Variants in ZNF770 observed in about 807,000 individuals in gnomAD.
ZNF770 encodes zinc finger protein 770.
In ZNF770, 13 loss-of-function variants were observed where a neutral mutation model predicts 44.8. The observed-to-expected ratio is 0.29, with a 90% confidence interval of 0.19 to 0.46. ZNF770 has a LOEUF of 0.46. ZNF770 is among the 20% of genes least tolerant of loss of function. The pLI is 1.00. For synonymous variants in ZNF770, 304 were observed against 271.8 expected (o/e 1.12, Z -1.17); for missense variants, 681 against 797.9 (o/e 0.85, Z 1.77).
At chr15:34,987,364 CA>C (rs2050441742) in intron 2 of ZNF770, among the ~76,000 whole-genome samples, 192 bp downstream of exon 2, 1 of 152,230 alleles carries the variant, frequency 6.6e-6, no homozygotes, top group Non-Finnish European at 1.5e-5. Flanking sequence ...ATCCTCACCT[CA>C]CGCACTCATG....
chr15:34,978,541 C>T lies in ZNF770; in HGVS notation c.*2818G>A, dbSNP rs867964628. ...ATGATCATACTACAGCCTGGAATCA[C>T]TCAAACAAAAAATTCTTCTAGTTCT... On this transcript the variant is annotated 3_prime_UTR_variant, in exon 3 of 3. Coordinates refer to ENST00000356321, the MANE Select transcript of ZNF770 (RefSeq NM_014106.4). The T allele has an allele frequency of 3.3e-5, 5 of 152,104 alleles. No individual in the cohort carries two copies. Among genetic ancestry groups the T allele is most frequent in the African/African-American group, 4.8e-5 (2 of 41,412 alleles). 9.4% of individuals were successfully genotyped at this position (152,104 alleles called of 1,614,324 possible).
In ZNF770 at chr15:34,983,546, G is replaced by A. The variant is rs918177777; in HGVS notation, c.-56-56C>T. On this transcript the variant is annotated intron_variant, in intron 2 of 2. Transcript: ENST00000356321. ...TTAAAATTATTTATTCATATGAAAAGTAACTTAAGTTGTTCTTTGGCTGAA... is the reference window on the plus strand; with the variant it reads ...TTAAAATTATTTATTCATATGAAAAATAACTTAAGTTGTTCTTTGGCTGAA... 14 of 985,658 alleles carry A rather than the reference G, an allele frequency of 1.4e-5. No homozygotes were observed. In the South Asian group the frequency reaches 5.1e-4, roughly 36 times the overall value. The allele number at this position is 985,658 out of a possible 1,614,324, so 61.1% of individuals were successfully genotyped here.
intron 2 of ZNF770, among the ~76,000 whole-genome samples, chr15:34,984,835 A>G (rs559122605): frequency 1.3e-5 from 2 of 151,944 alleles, no homozygotes; most frequent in African/African-American, 4.8e-5. Context: ...GCGTTAATAT[A>G]AAGATTTAAA....
chr15:34,983,540 T>C (rs991111966), intron 2 of ZNF770, 50 bp from the exon 3 acceptor site: 18 of 1,047,090 alleles, frequency 1.7e-5, no homozygotes, highest in Non-Finnish European at 2.3e-5. Flanking sequence ...TTTATTCATA[T>C]GAAAAGTAAC....
intron 2 of ZNF770, among the ~76,000 whole-genome samples, chr15:34,986,166 G>C (rs536349161): frequency 6.6e-6 from 1 of 152,048 alleles, no homozygotes; most frequent in Non-Finnish European, 1.5e-5. Context: ...ACTAAAGAAA[G>C]CAAGTGTCTG....
chr15:34,984,791 A>G (rs1344312387), intron 2 of ZNF770, among the ~76,000 whole-genome samples: 3 of 152,092 alleles, frequency 2.0e-5, no homozygotes, highest in African/African-American at 7.2e-5. Context: ...TTTGCCCATC[A>G]GGCAATATAG....
Position 34,982,088 on chromosome 15 carries a change from T to C in ZNF770, c.1347A>G (p.Glu449=). The stretch of plus-strand genomic sequence containing the variant: ...GAAGTACCTCACAGTTATTAAAGAA[T>C]TCCTCACCTGATGAACCACAGATTG... ...DLSICGSSGE[E]FFNNCEVLQC... Residue 449 remains glutamate, a synonymous_variant, in exon 3 of 3, where the codon GAA becomes GAG. Transcript: ENST00000356321. 6.2e-7 allele frequency: 1 copy of C among 1,613,896 alleles called. No individual in the cohort carries two copies. The highest frequency in any genetic ancestry group is 8.5e-7 in the Non-Finnish European group (1 of 1,180,006).
rs2050400882 is a variant in ZNF770, at chr15:34,981,442, C to T, written c.1993G>A (p.Ala665Thr). ...CSVCGKTFRQ[A>T]PHWKRHQLTH... is the part of the protein sequence containing the mutation. ...AGCTGATGTCTCTTCCAGTGAGGAG[C>T]CTGTCTGAATGTTTTGCCACAAACT... Residue 665 changes from alanine to threonine, a missense_variant, in exon 3 of 3, where the codon GCT becomes ACT. Physicochemically the swap from Ala to Thr is moderately conservative, Grantham distance 58. Around this residue, in one of 5 missense-constraint regions of ZNF770, gnomAD observed 10 missense variants for 33.9 expected, o/e 0.30. Transcript: ENST00000356321. 6.2e-7 allele frequency: 1 copy of T among 1,614,038 alleles called. No homozygotes were observed. The highest frequency in any genetic ancestry group is 8.5e-7 in the Non-Finnish European group (1 of 1,180,046).
chr15:34,986,661 T>C (rs918636881), intron 2 of ZNF770, among the ~76,000 whole-genome samples: 12 of 152,198 alleles, frequency 7.9e-5, no homozygotes, highest in African/African-American at 2.9e-4. Context: ...TGAGGGTCAG[T>C]TGATGCAGTG....
Position 34,988,124 on chromosome 15 carries a change from T to TCAA in ZNF770, c.-183_-182insTTG, listed in dbSNP as rs2050447313. The TCAA allele has an allele frequency of 1.3e-5, 2 of 152,194 alleles. No homozygotes were observed. Among genetic ancestry groups the TCAA allele is most frequent in the East Asian group, 1.9e-4 (1 of 5,194 alleles). 9.4% of individuals were successfully genotyped at this position (152,194 alleles called of 1,614,324 possible). ...CTTGGGTCCCCAGGCACCTTGGCGG[T>TCAA]ATTGAGGCAGGTCCGACCCTCCCTG... On this transcript the variant is annotated 5_prime_UTR_variant, in exon 1 of 3. Coordinates refer to ENST00000356321, the MANE Select transcript of ZNF770 (RefSeq NM_014106.4).
chr15:34,981,237 C>G lies in ZNF770; in HGVS notation c.*122G>C. On this transcript the variant is annotated 3_prime_UTR_variant, in exon 3 of 3. Coordinates refer to ENST00000356321, the MANE Select transcript of ZNF770 (RefSeq NM_014106.4). ...TATTCTACCTCCTTACTATGCAGGA[C>G]AAGCAAATGCCTGTGAAACCATTCA... is the stretch of plus-strand genomic sequence containing the variant. The G allele has an allele frequency of 5.0e-6, 5 of 1,006,888 alleles. No individual in the cohort carries two copies. The highest frequency in any genetic ancestry group is 7.0e-6 in the Non-Finnish European group (5 of 710,066). The allele number at this position is 1,006,888 out of a possible 1,614,324, so 62.4% of individuals were successfully genotyped here.
rs752797064 is a variant in ZNF770, at chr15:34,981,502, G to A, written c.1933C>T (p.Leu645=). The A allele has an allele frequency of 1.2e-6, 2 of 1,614,204 alleles. No individual in the cohort carries two copies. The highest frequency in any genetic ancestry group is 1.7e-6 in the Non-Finnish European group (2 of 1,180,028). ...RSPSKLERHY[L]IHAGQKPFEC... is the part of the protein sequence containing the mutation. ...AATGGTTTCTGCCCTGCATGAATTA[G>A]GTAGTGTCTTTCCAGTTTAGATGGA... Residue 645 remains leucine (L), a synonymous_variant, in exon 3 of 3, where the codon CTA becomes TTA. Transcript: ENST00000356321.
Position 34,980,759 on chromosome 15 carries a change from G to A in ZNF770, c.*600C>T, listed in dbSNP as rs1476943925. The A allele has an allele frequency of 6.6e-6, 1 of 151,476 alleles. No homozygotes were observed. Among genetic ancestry groups the A allele is most frequent in the Non-Finnish European group, 1.5e-5 (1 of 68,078 alleles). 9.4% of individuals were successfully genotyped at this position (151,476 alleles called of 1,614,324 possible). A position where few individuals can be genotyped will look rare whatever the true frequency, so the allele number is the denominator to read the frequency against. ...GCCACTGCACTCTAGCCTGGCGAAA[G>A]AGTGAGACTCCATCTCAAAAAAAAA... is the stretch of plus-strand genomic sequence containing the variant. On this transcript the variant is annotated 3_prime_UTR_variant, in exon 3 of 3. Coordinates refer to ENST00000356321, the MANE Select transcript of ZNF770 (RefSeq NM_014106.4).
chr15:34,980,348 A>C lies in ZNF770; in HGVS notation c.*1011T>G, dbSNP rs1254451181. 6.6e-6 allele frequency: 1 copy of C among 152,246 alleles called. No individual in the cohort carries two copies. The highest frequency in any genetic ancestry group is 2.4e-5 in the African/African-American group (1 of 41,464). 9.4% of individuals were successfully genotyped at this position (152,246 alleles called of 1,614,324 possible). ...CACTTAGAAAATATTCCTGGTAAGTAAACATGGTAAATATAGGTACATCCT... is the reference window on the plus strand; with the variant it reads ...CACTTAGAAAATATTCCTGGTAAGTCAACATGGTAAATATAGGTACATCCT... On this transcript the variant is annotated 3_prime_UTR_variant, in exon 3 of 3. Transcript: ENST00000356321.
chr15:34,978,584 G>A lies in ZNF770; in HGVS notation c.*2775C>T, dbSNP rs1342625486. The stretch of plus-strand genomic sequence containing the variant: ...CTAGTTCTCTTTAAAGATATTTATC[G>A]TTTATTTTTTCATGAAACCAAAGTA... On this transcript the variant is annotated 3_prime_UTR_variant, in exon 3 of 3. Coordinates refer to ENST00000356321, the MANE Select transcript of ZNF770 (RefSeq NM_014106.4). 2 of 151,998 alleles carry A rather than the reference G, an allele frequency of 1.3e-5. No homozygotes were observed. Among genetic ancestry groups the A allele is most frequent in the African/African-American group, 2.4e-5 (1 of 41,366 alleles). The allele number at this position is 151,998 out of a possible 1,614,324, so 9.4% of individuals were successfully genotyped here. A position where few individuals can be genotyped will look rare whatever the true frequency, so the allele number is the denominator to read the frequency against.
In ZNF770 at chr15:34,981,976, T is replaced by C. The variant is rs763424159; in HGVS notation, c.1459A>G (p.Ile487Val). The change falls in exon 3 of 3, where the codon ATA becomes GTA. Residue 487 changes from isoleucine to valine, a missense_variant. Physicochemically the swap from Ile to Val is conservative, Grantham distance 29 (BLOSUM62 3). Around this residue, in one of 5 missense-constraint regions of ZNF770, gnomAD observed 148 missense variants for 191.0 expected, o/e 0.77. Coordinates refer to ENST00000356321, the MANE Select transcript of ZNF770 (RefSeq NM_014106.4). ...AAATAGTGTCTTTTTAGTTTGGATA[T>C]AGAAGGAAATACCTTCTCACATTTG... ...CDKCEKVFPS[I>V]SKLKRHYLIH... The C allele has an allele frequency of 6.2e-6, 10 of 1,613,840 alleles. No homozygotes were observed. The highest frequency in any genetic ancestry group is 4.5e-5 in the East Asian group (2 of 44,882).
At position 34,982,788 on chromosome 15, in the gene ZNF770, A is replaced by G; in HGVS notation, c.647T>C (p.Phe216Ser). 2 of 1,613,946 alleles carry G rather than the reference A, an allele frequency of 1.2e-6. No individual in the cohort carries two copies. The highest frequency in any genetic ancestry group is 1.7e-6 in the Non-Finnish European group (2 of 1,179,972). Residue 216 changes from phenylalanine to serine, a missense_variant, in exon 3 of 3, where the codon TTT becomes TCT. By Grantham distance (155) the Phe-to-Ser change is radical. This residue lies in a region of ZNF770 where 432 missense variants were observed against 434.1 expected (regional missense o/e 1.00). Transcript: ENST00000356321. ...HQLTHSEERP[F>S]QCCFCQKGFK... ...TCCTTTTTGACAAAAACAACATTGA[A>G]AAGGTCTTTCTTCTGAATGTGTAAG... is the stretch of plus-strand genomic sequence containing the variant.
At position 34,982,585 on chromosome 15, in the gene ZNF770, G is replaced by C; in HGVS notation, c.850C>G (p.Leu284Val). 6.2e-7 allele frequency: 1 copy of C among 1,613,748 alleles called. No individual in the cohort carries two copies. The highest frequency in any genetic ancestry group is 8.5e-7 in the Non-Finnish European group (1 of 1,179,998). Residue 284 changes from leucine (L) to valine (V), a missense_variant, in exon 3 of 3, where the codon CTT becomes GTT. Leu to Val is a conservative substitution (Grantham distance 32). This residue lies in a region of ZNF770 where 432 missense variants were observed against 434.1 expected (regional missense o/e 1.00). Transcript: ENST00000356321. Reference sequence around the variant, plus strand: ...ACAATATAAATTGAGTGGACATCAAGTGGATTATTCTCCTCAGATTCACCA... The same window carrying C: ...ACAATATAAATTGAGTGGACATCAACTGGATTATTCTCCTCAGATTCACCA... ...EIGESEENNPLDVHSIYIVPF... is the reference protein window; with the variant it reads ...EIGESEENNPVDVHSIYIVPF...
At chr15:34,983,577 T>C in intron 2 of ZNF770, 87 bp from the exon 3 acceptor site, 1 of 678,094 alleles carries the variant, frequency 1.5e-6, no homozygotes. Context: ...CTGAAGATAT[T>C]AAAGGCAAAG....
Sources: allele counts gnomAD v4.1 joint callset (sites outside exome capture counted in the v4.1 genomes callset), GRCh38; gene constraint gnomAD v4.1.1; regional missense constraint gnomAD v4.1.1; transcripts MANE v1.5; gene names NCBI Gene and HGNC (gene_info 2026-07-23, HGNC 2026-07-21).